B3GALT1: variants seen among roughly 807,000 people sequenced by gnomAD.
B3GALT1 encodes UDP-Gal:betaGlcNAc beta 1,3-galactosyltransferase, polypeptide 1.
A neutral mutation model predicts 23.2 loss-of-function variants in B3GALT1; 10 were observed. The ratio of observed to expected loss-of-function variants is 0.43; its 90% confidence interval spans 0.27 to 0.73. The LOEUF (loss-of-function observed/expected upper bound fraction) is 0.73, where lower values mean the gene tolerates loss of function less well. B3GALT1 is among the 30% of genes least tolerant of loss of function. The pLI is 0.21. For missense variants in B3GALT1, 299 were observed against 405.4 expected, an observed-to-expected ratio of 0.74 and a Z score of 2.25; for synonymous variants, 156 against 141.5, an observed-to-expected ratio of 1.10 and a Z score of -0.73.
rs1261191168 is a variant in B3GALT1 at position 167,871,799 on chromosome 2, C to T, written c.*1779C>T. 6 of 150,900 alleles carry T rather than the reference C, an allele frequency of 4.0e-5. No homozygotes were observed. The highest frequency in any genetic ancestry group is 4.0e-4 in the Admixed American group (6 of 15,146). 9.3% of individuals were successfully genotyped at this position (150,900 alleles called of 1,614,324 possible). A position where few individuals can be genotyped will look rare whatever the true frequency, so the allele number is the denominator to read the frequency against. On this transcript the variant is annotated 3_prime_UTR_variant, in exon 5 of 5. Transcript: ENST00000392690. ...AGAATAGGCAGTCAGCAAACCTGCA[C>T]ATTGCACATCTTCTACCATTTATTA...
chr2:167,741,022 G>A (rs890718519), intron 3 of B3GALT1, among the ~76,000 whole-genome samples: 1 of 152,210 alleles, frequency 6.6e-6, no homozygotes, highest in Non-Finnish European at 1.5e-5. Context: ...TGAGAATAGA[G>A]AACAGAAATT....
intron 4 of B3GALT1, among the ~76,000 whole-genome samples, chr2:167,829,486 GAAAA>G (rs1209412829): frequency 1.6e-5 from 2 of 123,794 alleles, no homozygotes; most frequent in African/African-American, 6.0e-5. Flanking sequence ...CCATCTCAAG[GAAAA>G]AAAAAAAGAA....
chr2:167,582,452 A>G (rs1684501820), intron 2 of B3GALT1, among the ~76,000 whole-genome samples: 1 of 152,196 alleles, frequency 6.6e-6, no homozygotes. Context: ...ATTCTCTAAA[A>G]CTGCTCTTAT....
intron 3 of B3GALT1, among the ~76,000 whole-genome samples, chr2:167,687,747 A>T (rs1035345758): frequency 1.3e-5 from 2 of 152,184 alleles, no homozygotes; most frequent in Non-Finnish European, 2.9e-5. Flanking sequence ...CACCATTTAA[A>T]TGAATTGCTT....
intron 1 of B3GALT1, among the ~76,000 whole-genome samples, chr2:167,488,380 G>A (rs1172287025): frequency 6.6e-6 from 1 of 152,148 alleles, no homozygotes; most frequent in Non-Finnish European, 1.5e-5. Flanking sequence ...GTGAGAATAA[G>A]GGCTGTGTCT....
intron 4 of B3GALT1, among the ~76,000 whole-genome samples, chr2:167,830,775 A>G (rs771316774): frequency 2.6e-5 from 4 of 152,258 alleles, no homozygotes; most frequent in Admixed American, 1.3e-4. Context: ...TAGCAAGTCA[A>G]CAAGTCAGTT....
chr2:167,438,175 G>A (rs1419051871), intron 1 of B3GALT1, among the ~76,000 whole-genome samples: 1 of 152,208 alleles, frequency 6.6e-6, no homozygotes, highest in Admixed American at 6.5e-5. Flanking sequence ...TTTGTAAAAA[G>A]TTGTTGGAAT....
intron 3 of B3GALT1, among the ~76,000 whole-genome samples, chr2:167,799,303 T>C (rs1437073536): frequency 1.3e-5 from 2 of 152,162 alleles, no homozygotes; most frequent in African/African-American, 4.8e-5. Flanking sequence ...ACAGTGTACA[T>C]TGTACCCAAT....
intron 2 of B3GALT1, among the ~76,000 whole-genome samples, chr2:167,580,574 A>G (rs911266078): frequency 5.3e-5 from 8 of 152,242 alleles, no homozygotes; most frequent in Middle Eastern, 3.4e-3. Flanking sequence ...CTCCCTACCC[A>G]GCCTCCCTGA....
chr2:167,714,298 A>G lies in B3GALT1; in HGVS notation c.-352+67332A>G, dbSNP rs1399584472. 2.0e-6 allele frequency: 3 copies of G among 1,499,948 alleles called. No homozygotes were observed. In the African/African-American group the frequency reaches 4.1e-5, roughly 21 times the overall value. The allele number at this position is 1,499,948 out of a possible 1,614,324, so 92.9% of individuals were successfully genotyped here. On this transcript the variant is annotated intron_variant, in intron 3 of 4. Transcript: ENST00000392690. ...ATGGAGATGAGAGGGACCCAGTGTC[A>G]GAAGGAGCCCTGTGAGCATCAGTTG...
chr2:167,586,433 G>A (rs894914032), intron 2 of B3GALT1, among the ~76,000 whole-genome samples: 7 of 152,076 alleles, frequency 4.6e-5, no homozygotes, highest in African/African-American at 7.2e-5. Flanking sequence ...CCGAGTAGCC[G>A]GGACTACAGG....
At chr2:167,807,014 G>A (rs535461074) in intron 3 of B3GALT1, among the ~76,000 whole-genome samples, 1 of 152,272 alleles carries the variant, frequency 6.6e-6, no homozygotes, top group East Asian at 1.9e-4. Context: ...TCTATTCAGA[G>A]ATTCAACTTC....
At chr2:167,710,080 C>G (rs1558955882) in intron 3 of B3GALT1, among the ~76,000 whole-genome samples, 3 of 152,156 alleles carry the variant, frequency 2.0e-5, no homozygotes, top group African/African-American at 7.2e-5. Flanking sequence ...AGCATTCTAA[C>G]TGTGGTTTAT....
At chr2:167,806,961 A>G (rs145564933) in intron 3 of B3GALT1, among the ~76,000 whole-genome samples, 5,344 of 152,054 alleles carry the variant, frequency 0.035, 150 homozygotes, top group South Asian at 0.069. Flanking sequence ...TTTTTTGGTT[A>G]GTAAGCTATT....
At chr2:167,642,687 C>T (rs1034547727) in intron 2 of B3GALT1, among the ~76,000 whole-genome samples, 2 of 152,132 alleles carry the variant, frequency 1.3e-5, no homozygotes, top group African/African-American at 4.8e-5. Flanking sequence ...TAAATATAGC[C>T]TATAACCTGC....
rs193113977 is a variant in B3GALT1, at chr2:167,623,407, T to C, written c.-409-23502T>C. Among the ~76,000 whole-genome samples, 63 of 152,232 alleles carry C rather than the reference T, an allele frequency of 4.1e-4. 2 individuals are homozygous for C. The highest frequency in any genetic ancestry group is 1.4e-3 in the African/African-American group (59 of 41,544). ...AAGAAAATGTGGCACATATATACCA[T>C]GGAATACTATGCAGCCATAAAAAAG... On this transcript the variant is annotated intron_variant, in intron 2 of 4. Transcript: ENST00000392690.
chr2:167,562,649 C>T (rs867322805), intron 2 of B3GALT1, among the ~76,000 whole-genome samples: 27 of 138,886 alleles, frequency 1.9e-4, no homozygotes, highest in African/African-American at 5.9e-4. Flanking sequence ...CACAAGCATT[C>T]TTTTTTTTTT....
chr2:167,513,017 C>A (rs2105356095), intron 2 of B3GALT1, among the ~76,000 whole-genome samples: 1 of 131,802 alleles, frequency 7.6e-6, no homozygotes, highest in South Asian at 2.4e-4. Context: ...TTCAGTGAGA[C>A]AATTGCTGTT....
chr2:167,340,079 G>A (rs927806822), intron 1 of B3GALT1, among the ~76,000 whole-genome samples: 2 of 152,152 alleles, frequency 1.3e-5, no homozygotes, highest in Admixed American at 6.6e-5. Flanking sequence ...AAAACAGAGT[G>A]CATTTCTTGC....
Sources: gnomAD v4.1 joint callset for allele counts (sites outside exome capture counted in the v4.1 genomes callset) on GRCh38, gnomAD v4.1.1 for gene constraint, MANE v1.5 for transcripts, NCBI Gene and HGNC (gene_info 2026-07-23, HGNC 2026-07-21) for gene names.